CNTNAP5: variants seen among roughly 807,000 people sequenced by gnomAD.
CNTNAP5 encodes contactin-associated protein-like 5.
Under a neutral mutation model 150.2 loss-of-function variants are expected in CNTNAP5, and 72 were observed. The observed-to-expected ratio is 0.48, with a 90% CI of 0.40 to 0.58. CNTNAP5 has a LOEUF of 0.58. CNTNAP5 is among the 20% of genes least tolerant of loss of function. The pLI is 0.00. For missense variants in CNTNAP5, 1,636 were observed against 1,626.2 expected, an observed-to-expected ratio of 1.01 and a Z score of -0.10; for synonymous variants, 672 against 619.8, an observed-to-expected ratio of 1.08 and a Z score of -1.25.
At chr2:124,576,554 C>T (rs1022609880) in intron 11 of CNTNAP5, among the ~76,000 whole-genome samples, 1 of 152,190 alleles carries the variant, frequency 6.6e-6, no homozygotes, top group African/African-American at 2.4e-5. Flanking sequence ...CAGAAGTCTT[C>T]CATCTAATGA....
At chr2:124,592,847 G>C (rs571065080) in intron 11 of CNTNAP5, among the ~76,000 whole-genome samples, 1 of 151,956 alleles carries the variant, frequency 6.6e-6, no homozygotes, top group South Asian at 2.1e-4. Flanking sequence ...AAGTATATTA[G>C]AAATGTTAGT....
chr2:124,204,724 A>G (rs913178932), intron 1 of CNTNAP5, among the ~76,000 whole-genome samples: 2 of 152,104 alleles, frequency 1.3e-5, no homozygotes, highest in African/African-American at 2.4e-5. Flanking sequence ...AAACCATCAA[A>G]TCTCATGAGA....
intron 17 of CNTNAP5, among the ~76,000 whole-genome samples, chr2:124,787,519 G>A (rs531587846): frequency 2.6e-5 from 4 of 152,252 alleles, no homozygotes; most frequent in African/African-American, 9.6e-5. Context: ...AATGCAAGAC[G>A]AGATCTATCC....
chr2:124,805,733 C>T (rs976835277), intron 19 of CNTNAP5, among the ~76,000 whole-genome samples: 2 of 152,216 alleles, frequency 1.3e-5, no homozygotes, highest in Non-Finnish European at 2.9e-5. Flanking sequence ...TCTAACAGTT[C>T]TAGAGACTGG....
chr2:124,525,410 C>A (rs2104887985), intron 9 of CNTNAP5, among the ~76,000 whole-genome samples: 1 of 152,306 alleles, frequency 6.6e-6, no homozygotes, highest in East Asian at 1.9e-4. Context: ...GATGGGGAAA[C>A]TGGCTCCAGC....
chr2:124,673,265 C>T (rs1196480786), intron 13 of CNTNAP5, among the ~76,000 whole-genome samples: 1 of 152,028 alleles, frequency 6.6e-6, no homozygotes. Context: ...TTTAAAAGCA[C>T]TAACATGTTC....
intron 10 of CNTNAP5, among the ~76,000 whole-genome samples, chr2:124,562,870 T>C (rs1056272623): frequency 4.6e-5 from 4 of 87,874 alleles, no homozygotes; most frequent in African/African-American, 7.3e-5. Flanking sequence ...AAAATGATTA[T>C]CTTTATACAT....
At chr2:124,302,653 A>G (rs1688594111) in intron 3 of CNTNAP5, among the ~76,000 whole-genome samples, 2 of 152,148 alleles carry the variant, frequency 1.3e-5, no homozygotes, top group African/African-American at 4.8e-5. Flanking sequence ...ATCACCTCTT[A>G]TCAGTCCCCA....
At position 124,400,902 on chromosome 2, in the gene CNTNAP5, C is replaced by T. The variant is rs547215563; in HGVS notation, c.382-16541C>T. ...TTACTTTTTTTTTGAGACCGAGTCT[C>T]GCTCTGTTGCCCAGGCTGGAGCGCA... On this transcript the variant is annotated intron_variant, in intron 3 of 23. Transcript: ENST00000682447. Among the ~76,000 whole-genome samples the T allele has an allele frequency of 9.9e-5, 15 of 151,972 alleles. No individual in the cohort carries two copies. The South Asian group carries it at 1.7e-3, about 17-fold the overall frequency.
intron 1 of CNTNAP5, among the ~76,000 whole-genome samples, chr2:124,089,603 G>A (rs927652807): frequency 6.6e-6 from 1 of 152,086 alleles, no homozygotes; most frequent in African/African-American, 2.4e-5. Flanking sequence ...ACTTGTGTGA[G>A]GTTACTTAAA....
chr2:124,578,433 G>T lies in CNTNAP5; in HGVS notation c.1756+15110G>T, dbSNP rs956810402. On this transcript the variant is annotated intron_variant, in intron 11 of 23. Coordinates refer to ENST00000682447, the MANE Select transcript of CNTNAP5 (RefSeq NM_001367498.1). Reference sequence around the variant, plus strand: ...ATTCATAATCTTACAGCTCAAAAGGGTCTCCCCACAGTCTTGGAACTGTAC... The same window carrying T: ...ATTCATAATCTTACAGCTCAAAAGGTTCTCCCCACAGTCTTGGAACTGTAC... Among the ~76,000 whole-genome samples the T allele has an allele frequency of 2.0e-5, 3 of 151,914 alleles. No homozygotes were observed. In the South Asian group the frequency reaches 6.2e-4, roughly 32 times the overall value.
intron 1 of CNTNAP5, among the ~76,000 whole-genome samples, chr2:124,147,746 C>T (rs1049422759): frequency 1.3e-5 from 2 of 152,130 alleles, no homozygotes; most frequent in African/African-American, 2.4e-5. Context: ...GTGGCCTGGG[C>T]GGCTTCTCTC....
intron 5 of CNTNAP5, among the ~76,000 whole-genome samples, chr2:124,444,028 C>A (rs947988926): frequency 6.6e-6 from 1 of 152,056 alleles, no homozygotes; most frequent in Non-Finnish European, 1.5e-5. Context: ...GTTTATAAAG[C>A]ATAGTTTCCT....
rs558199875 is a variant in CNTNAP5, at chr2:124,724,053, G to A, written c.2078-23176G>A. Among the ~76,000 whole-genome samples the A allele has an allele frequency of 2.9e-3, 435 of 151,992 alleles. 4 individuals carry two copies. Among genetic ancestry groups the A allele is most frequent in the Non-Finnish European group, 4.9e-3 (332 of 67,992 alleles). Reference sequence around the variant, plus strand: ...CCAGCTACTCGGGAGGCTGAGCCATGAGAATCCCTTGAACCTGGGAGGTGG... The same window carrying A: ...CCAGCTACTCGGGAGGCTGAGCCATAAGAATCCCTTGAACCTGGGAGGTGG... On this transcript the variant is annotated intron_variant, in intron 13 of 23. Coordinates refer to ENST00000682447, the MANE Select transcript of CNTNAP5 (RefSeq NM_001367498.1).
chr2:124,135,623 A>G (rs936225220), intron 1 of CNTNAP5, among the ~76,000 whole-genome samples: 2 of 152,176 alleles, frequency 1.3e-5, no homozygotes, highest in African/African-American at 4.8e-5. Flanking sequence ...CCCCTTGTGG[A>G]GTCTATAAGC....
chr2:124,335,848 A>G (rs1689453983), intron 3 of CNTNAP5, among the ~76,000 whole-genome samples: 1 of 151,982 alleles, frequency 6.6e-6, no homozygotes, highest in South Asian at 2.1e-4. Context: ...TGCAGGGGTG[A>G]AAAACAAAAC....
intron 19 of CNTNAP5, among the ~76,000 whole-genome samples, chr2:124,811,547 T>C (rs1376824243): frequency 1.3e-5 from 2 of 152,176 alleles, no homozygotes; most frequent in Non-Finnish European, 2.9e-5. Context: ...AAGATGACTA[T>C]GTGGACAGTG....
intron 21 of CNTNAP5, among the ~76,000 whole-genome samples, chr2:124,872,855 C>G (rs75001869): frequency 0.06 from 9,139 of 151,862 alleles, 409 homozygotes; most frequent in Middle Eastern, 0.13. Flanking sequence ...TTCATATGAC[C>G]CTTCACACTT....
intron 1 of CNTNAP5, among the ~76,000 whole-genome samples, chr2:124,055,728 A>G (rs1213559321): frequency 6.6e-6 from 1 of 152,124 alleles, no homozygotes. Flanking sequence ...CCTCTGAGGG[A>G]TTACTCCAAC....
Sources: allele counts gnomAD v4.1 joint callset (sites outside exome capture counted in the v4.1 genomes callset), GRCh38; gene constraint gnomAD v4.1.1; transcripts MANE v1.5; gene names NCBI Gene and HGNC (gene_info 2026-07-23, HGNC 2026-07-21).